The following SWAP70 variants were observed in gnomAD, a reference collection of about 807,000 sequenced individuals.
SWAP70 encodes switch-associated protein 70.
In SWAP70, 34 loss-of-function variants were observed where a neutral mutation model predicts 80.2. The observed-to-expected ratio is 0.42, with a 90% CI of 0.32 to 0.56. The LOEUF is 0.56. SWAP70 is among the 20% of genes least tolerant of loss of function. SWAP70 has a pLI of 0.09. For missense variants in SWAP70, 578 were observed against 690.7 expected (o/e 0.84, Z 1.83); for synonymous variants, 239 against 238.5 (o/e 1.00, Z -0.02).
chr11:9,681,426 T>C (rs1047904193), intron 1 of SWAP70, among the ~76,000 whole-genome samples: 5 of 152,232 alleles, frequency 3.3e-5, no homozygotes, highest in African/African-American at 9.6e-5. Flanking sequence ...ACAGTCTGTC[T>C]TAGAATTAGT....
At chr11:9,701,328 C>A (rs187849173) in intron 2 of SWAP70, among the ~76,000 whole-genome samples, 1 of 151,884 alleles carries the variant, frequency 6.6e-6, no homozygotes, top group Admixed American at 6.6e-5. Context: ...CCTGCCACCA[C>A]GCCCAGCTAC....
intron 1 of SWAP70, among the ~76,000 whole-genome samples, chr11:9,683,082 A>G (rs532529054): frequency 2.0e-5 from 3 of 152,270 alleles, no homozygotes. Flanking sequence ...GACTGCATAA[A>G]TTTACCTTTG....
chr11:9,704,152 T>C (rs1453583145), intron 2 of SWAP70, among the ~76,000 whole-genome samples: 1 of 152,150 alleles, frequency 6.6e-6, no homozygotes, highest in Admixed American at 6.5e-5. Context: ...TTCTATAATA[T>C]TTTAATAACA....
At chr11:9,678,294 TA>T (rs2134429795) in intron 1 of SWAP70, among the ~76,000 whole-genome samples, 1 of 152,296 alleles carries the variant, frequency 6.6e-6, no homozygotes, top group Non-Finnish European at 1.5e-5. Flanking sequence ...GCACCCAGCC[TA>T]AAGTCTTTGT....
At chr11:9,701,746 A>G (rs994810047) in intron 2 of SWAP70, among the ~76,000 whole-genome samples, 3 of 129,794 alleles carry the variant, frequency 2.3e-5, no homozygotes, top group African/African-American at 5.6e-5. Flanking sequence ...ATTATCTGAC[A>G]GTGAATAATT....
chr11:9,705,286 A>C lies in SWAP70; in HGVS notation c.241-8180A>C, dbSNP rs61878111. ...CTGGTGATATGTATACACTGGTGATATGTATACACTGGTGATCTGTGTATA... is the reference window on the plus strand; with the variant it reads ...CTGGTGATATGTATACACTGGTGATCTGTATACACTGGTGATCTGTGTATA... On this transcript the variant is annotated intron_variant, in intron 2 of 11. Transcript: ENST00000318950. Among the ~76,000 whole-genome samples the C allele has an allele frequency of 1.1e-4, 13 of 114,576 alleles. 1 individual carries two copies. The highest frequency in any genetic ancestry group is 2.8e-4 in the South Asian group (1 of 3,528). The allele number at this position is 114,576 out of a possible 152,430, so 75.2% of individuals were successfully genotyped here.
rs1399270507 is a variant in SWAP70 at position 9,750,210 on chromosome 11, G to A, written c.*240G>A. 2 of 267,972 alleles carry A rather than the reference G, an allele frequency of 7.5e-6. No homozygotes were observed. The highest frequency in any genetic ancestry group is 1.5e-5 in the Non-Finnish European group (2 of 134,538). The allele number at this position is 267,972 out of a possible 1,614,324, so 16.6% of individuals were successfully genotyped here. ...AAAAAAATTAGCTGAGCGTGGTGGC[G>A]GGCGCCTGTAATCCCAGCTACTTGG... On this transcript the variant is annotated 3_prime_UTR_variant, in exon 12 of 12. Transcript: ENST00000318950.
chr11:9,729,848 T>TAAGGA, intron 6 of SWAP70, among the ~76,000 whole-genome samples: 1 of 152,222 alleles, frequency 6.6e-6, no homozygotes, highest in Non-Finnish European at 1.5e-5. Context: ...CGTTACTTCC[T>TAAGGA]CATTGTAGTT....
At chr11:9,674,830 G>A (rs780337934) in intron 1 of SWAP70, among the ~76,000 whole-genome samples, 2 of 152,000 alleles carry the variant, frequency 1.3e-5, no homozygotes, top group Non-Finnish European at 1.5e-5. Context: ...TTAGCTGGGC[G>A]TGGTGGCGGG....
intron 9 of SWAP70, among the ~76,000 whole-genome samples, chr11:9,742,906 A>G (rs1009257981): frequency 4.9e-5 from 6 of 122,514 alleles, no homozygotes; most frequent in African/African-American, 1.8e-4. Flanking sequence ...TTTTAATTTT[A>G]TTATTATTAT....
At chr11:9,740,698 A>AGGGC in intron 9 of SWAP70, 2 of 332,896 alleles carry the variant, frequency 6.0e-6, no homozygotes. Flanking sequence ...CAGACCAGAG[A>AGGGC]GGGCCATTGG....
intron 1 of SWAP70, among the ~76,000 whole-genome samples, chr11:9,674,968 CAAAAAA>C (rs777668072): frequency 1.7e-5 from 2 of 116,836 alleles, no homozygotes; most frequent in Non-Finnish European, 3.5e-5. Flanking sequence ...GACTCCGTCT[CAAAAAA>C]AAAAAAAAAA....
rs543832541 is a variant in SWAP70, at chr11:9,690,591, A to G, written c.100-3555A>G. On this transcript the variant is annotated intron_variant, in intron 1 of 11. Transcript: ENST00000318950. ...CCTCAAAACAAAAAACAAACAAACA[A>G]AAAACCTTGTTGAGACTGGGCATGG... is the stretch of plus-strand genomic sequence containing the variant. Among the ~76,000 whole-genome samples, 30 of 151,960 alleles carry G rather than the reference A, an allele frequency of 2.0e-4. 1 individual carries two copies. Among genetic ancestry groups the G allele is most frequent in the Non-Finnish European group, 8.8e-5 (6 of 67,980 alleles).
At chr11:9,672,580 C>T (rs1850433433) in intron 1 of SWAP70, among the ~76,000 whole-genome samples, 2 of 127,002 alleles carry the variant, frequency 1.6e-5, no homozygotes, top group Admixed American at 9.4e-5. Flanking sequence ...CACTTTGCTG[C>T]TTAGGCTGGT....
At chr11:9,742,335 C>A (rs1851451138) in intron 9 of SWAP70, among the ~76,000 whole-genome samples, 1 of 151,708 alleles carries the variant, frequency 6.6e-6, no homozygotes, top group African/African-American at 2.4e-5. Flanking sequence ...AAATTTGCCC[C>A]CCTGCTCCCT....
intron 3 of SWAP70, among the ~76,000 whole-genome samples, chr11:9,718,939 A>C (rs1851099523): frequency 6.6e-6 from 1 of 151,532 alleles, no homozygotes; most frequent in African/African-American, 2.4e-5. Context: ...GTCTCTACAA[A>C]AAATACAAAA....
rs1185734809 is a variant in SWAP70, at chr11:9,702,598, C to CT, written c.240+8320dup. ...ACCACCATGCCTGGCTAATTTTTAACTTTTTTTTGCAGAGGTCTCACTATG... is the reference window on the plus strand; with the variant it reads ...ACCACCATGCCTGGCTAATTTTTAACTTTTTTTTTGCAGAGGTCTCACTATG... On this transcript the variant is annotated intron_variant, in intron 2 of 11. Coordinates refer to ENST00000318950, the MANE Select transcript of SWAP70 (RefSeq NM_015055.4). 5.9e-5 allele frequency among the ~76,000 whole-genome samples: 9 copies of CT among 151,534 alleles called. No homozygotes were observed. The East Asian group carries it at 1.4e-3, about 23-fold the overall frequency.
intron 9 of SWAP70, among the ~76,000 whole-genome samples, chr11:9,745,743 C>T (rs1213387379): frequency 6.6e-6 from 1 of 152,146 alleles, no homozygotes; most frequent in Non-Finnish European, 1.5e-5. Context: ...GTTTCTATTC[C>T]TTTTTTGATA....
chr11:9,682,435 T>C (rs1850579142), intron 1 of SWAP70, among the ~76,000 whole-genome samples: 1 of 152,220 alleles, frequency 6.6e-6, no homozygotes, highest in African/African-American at 2.4e-5. Flanking sequence ...TTTGGATCTT[T>C]TGGACGTGAG....
Sources: allele counts gnomAD v4.1 joint callset (sites outside exome capture counted in the v4.1 genomes callset), GRCh38; gene constraint gnomAD v4.1.1; transcripts MANE v1.5; gene names NCBI Gene and HGNC (gene_info 2026-07-23, HGNC 2026-07-21).